Variants in NGF observed in about 807,000 individuals in gnomAD.
NGF encodes the protein nerve growth factor, also known as beta-nerve growth factor.
Under a neutral mutation model 12.8 loss-of-function variants are expected in NGF, and 4 were observed. The ratio of observed to expected loss-of-function variants is 0.31; its 90% CI spans 0.15 to 0.72. NGF has a LOEUF of 0.72. Ranked by LOEUF, NGF falls within the 30% of genes least tolerant of loss-of-function variation. The pLI is 0.69. For missense variants in NGF, 283 were observed against 330.8 expected, an observed-to-expected ratio of 0.86 and a Z score of 1.12; for synonymous variants, 140 against 130.0, an observed-to-expected ratio of 1.08 and a Z score of -0.52.
At chr1:115,323,020 A>G (rs1161308188) in intron 1 of NGF, among the ~76,000 whole-genome samples, 2 of 152,176 alleles carry the variant, frequency 1.3e-5, no homozygotes, top group Non-Finnish European at 2.9e-5. Context: ...TCTTTTTACA[A>G]TCACTACTTT....
intron 1 of NGF, among the ~76,000 whole-genome samples, chr1:115,323,039 GTAT>G (rs1007007756): frequency 7.9e-5 from 12 of 152,160 alleles, no homozygotes; most frequent in African/African-American, 2.9e-4. Flanking sequence ...TTATAAGGGA[GTAT>G]TATTATTATT....
chr1:115,335,764 G>A (rs779872409), intron 1 of NGF, among the ~76,000 whole-genome samples: 1 of 152,206 alleles, frequency 6.6e-6, no homozygotes, highest in Non-Finnish European at 1.5e-5. Flanking sequence ...CTGGGCCTTG[G>A]CCCTACTCCA....
At chr1:115,331,979 T>C (rs1654933970) in intron 1 of NGF, among the ~76,000 whole-genome samples, 2 of 152,236 alleles carry the variant, frequency 1.3e-5, no homozygotes, top group Admixed American at 6.5e-5. Flanking sequence ...ACAGGTTCTA[T>C]GTAATTCAGC....
rs189687886 is a variant in NGF, at chr1:115,294,603, C to A, written c.-136-853G>T. ...TCTTTATATGCCATGAAGGCAATTA[C>A]AGGGTCTGATGATAGAGAGCAACTG... On this transcript the variant is annotated intron_variant, in intron 1 of 2. Transcript: ENST00000369512. Among the ~76,000 whole-genome samples the A allele has an allele frequency of 2.3e-3, 348 of 152,304 alleles. 1 individual carries two copies. Among genetic ancestry groups the A allele is most frequent in the Middle Eastern group, 6.8e-3 (2 of 294 alleles).
At chr1:115,329,057 G>A (rs1654843540) in intron 1 of NGF, among the ~76,000 whole-genome samples, 1 of 151,926 alleles carries the variant, frequency 6.6e-6, no homozygotes, top group South Asian at 2.1e-4. Flanking sequence ...GGAAGAGGTA[G>A]AAGAGGAAAA....
At chr1:115,305,398 C>G (rs1193823945) in intron 1 of NGF, among the ~76,000 whole-genome samples, 2 of 152,146 alleles carry the variant, frequency 1.3e-5, no homozygotes, top group Admixed American at 6.5e-5. Flanking sequence ...CAATTCACTC[C>G]TTTTTAACCC....
At chr1:115,330,837 T>G (rs1654901781) in intron 1 of NGF, among the ~76,000 whole-genome samples, 1 of 152,168 alleles carries the variant, frequency 6.6e-6, no homozygotes, top group South Asian at 2.1e-4. Context: ...TCCTTAAATA[T>G]TTGCCGTGCG....
Position 115,297,715 on chromosome 1 carries a change from T to C in NGF, c.-136-3965A>G, listed in dbSNP as rs556371057. ...CCCCTAATCCCTCCACACTCAGAAT[T>C]TGTGGGACATTCTGTCTACCTCACT... is the stretch of plus-strand genomic sequence containing the variant. On this transcript the variant is annotated intron_variant, in intron 1 of 2. Transcript: ENST00000369512. Among the ~76,000 whole-genome samples the C allele has an allele frequency of 5.3e-5, 8 of 152,326 alleles. No homozygotes were observed. The South Asian group carries it at 1.5e-3, about 28-fold the overall frequency.
At position 115,331,453 on chromosome 1, in the gene NGF, T is replaced by G. The variant is rs551205500; in HGVS notation, c.-137+6751A>C. On this transcript the variant is annotated intron_variant, in intron 1 of 2. Transcript: ENST00000369512. Reference sequence around the variant, plus strand: ...GGAGGTCATATATTCACAGAATTAGTACTTCCACTAGTTCCAGTTTTGATA... The same window carrying G: ...GGAGGTCATATATTCACAGAATTAGGACTTCCACTAGTTCCAGTTTTGATA... 1.2e-4 allele frequency among the ~76,000 whole-genome samples: 18 copies of G among 152,360 alleles called. No individual in the cohort carries two copies. The East Asian group carries it at 3.3e-3, about 28-fold the overall frequency.
chr1:115,296,308 T>C (rs1247552702), intron 1 of NGF, among the ~76,000 whole-genome samples: 1 of 152,160 alleles, frequency 6.6e-6, no homozygotes, highest in African/African-American at 2.4e-5. Flanking sequence ...CTGAACGTCT[T>C]CCTATAGGAC....
chr1:115,327,575 C>A (rs946764963), intron 1 of NGF, among the ~76,000 whole-genome samples: 4 of 152,186 alleles, frequency 2.6e-5, no homozygotes, highest in Non-Finnish European at 5.9e-5. Context: ...TCGTTTCATG[C>A]GTAAGAAACA....
intron 1 of NGF, among the ~76,000 whole-genome samples, chr1:115,337,840 C>T (rs1478724582): frequency 2.0e-5 from 3 of 152,156 alleles, no homozygotes; most frequent in Admixed American, 2.0e-4. Flanking sequence ...CTCTCCGCGC[C>T]CATTCGCTCT....
At chr1:115,299,082 C>A (rs1282242017) in intron 1 of NGF, among the ~76,000 whole-genome samples, 3 of 152,038 alleles carry the variant, frequency 2.0e-5, no homozygotes, top group African/African-American at 7.2e-5. Context: ...AGGGAAAAAT[C>A]AACTTTGGCC....
intron 1 of NGF, among the ~76,000 whole-genome samples, chr1:115,299,881 G>A (rs530331361): frequency 1.1e-3 from 165 of 152,272 alleles, no homozygotes; most frequent in African/African-American, 3.7e-3. Flanking sequence ...AGCAGACAGC[G>A]GTACTGGGAA....
rs150541119 is a variant in NGF, at chr1:115,324,454, C to T, written c.-137+13750G>A. Reference sequence around the variant, plus strand: ...TCTTCTGGAGCTGTCCTTCCCTGGCCCCTCCCTTCCCTCTATACTGGGCTC... The same window carrying T: ...TCTTCTGGAGCTGTCCTTCCCTGGCTCCTCCCTTCCCTCTATACTGGGCTC... On this transcript the variant is annotated intron_variant, in intron 1 of 2. Transcript: ENST00000369512. 3.3e-3 allele frequency among the ~76,000 whole-genome samples: 504 copies of T among 152,114 alleles called. 1 individual carries two copies. Among genetic ancestry groups the T allele is most frequent in the Admixed American group, 9.4e-3 (143 of 15,254 alleles).
At chr1:115,321,390 T>C (rs1304600808) in intron 1 of NGF, among the ~76,000 whole-genome samples, 1 of 152,188 alleles carries the variant, frequency 6.6e-6, no homozygotes, top group Non-Finnish European at 1.5e-5. Flanking sequence ...AGGAACTTCA[T>C]CCACCAGCTT....
At chr1:115,320,001 G>A (rs890094215) in intron 1 of NGF, among the ~76,000 whole-genome samples, 14 of 152,278 alleles carry the variant, frequency 9.2e-5, no homozygotes, top group African/African-American at 3.4e-4. Context: ...TCATGCGGAC[G>A]TTCTGGATCC....
chr1:115,302,897 T>A (rs1199523132), intron 1 of NGF, among the ~76,000 whole-genome samples: 1 of 152,202 alleles, frequency 6.6e-6, no homozygotes, highest in Non-Finnish European at 1.5e-5. Flanking sequence ...TGTGTGAGGA[T>A]GCTTTTCCCC....
At chr1:115,334,283 G>A (rs993161373) in intron 1 of NGF, among the ~76,000 whole-genome samples, 6 of 152,178 alleles carry the variant, frequency 3.9e-5, no homozygotes, top group African/African-American at 1.4e-4. Flanking sequence ...GGAACCTCCT[G>A]ATGCCAGAGT....
Sources: allele counts gnomAD v4.1 joint callset (sites outside exome capture counted in the v4.1 genomes callset), GRCh38; gene constraint gnomAD v4.1.1; transcripts MANE v1.5; gene names NCBI Gene and HGNC (gene_info 2026-07-23, HGNC 2026-07-21).